The following CLIP3 variants were observed in gnomAD, a reference collection of about 807,000 sequenced individuals.
CLIP3 encodes the protein CAP-Gly domain containing linker protein 3.
A neutral mutation model predicts 59.4 loss-of-function variants in CLIP3; 15 were observed. That is an observed-to-expected ratio of 0.25 (90% CI 0.17 to 0.39). CLIP3 has a LOEUF of 0.39. Among genes scored for constraint, CLIP3 ranks in the 10% least tolerant of loss-of-function variants. The pLI is 1.00. For synonymous variants in CLIP3, 300 were observed against 321.6 expected (o/e 0.93, Z 0.72); for missense variants, 495 against 765.7 (o/e 0.65, Z 4.17).
In CLIP3 at chr19:36,018,887, C is replaced by A; in HGVS notation, c.1183+11G>T. The A allele has an allele frequency of 4.3e-6, 7 of 1,611,942 alleles. No homozygotes were observed. Among genetic ancestry groups the A allele is most frequent in the Non-Finnish European group, 5.9e-6 (7 of 1,179,046 alleles). On this transcript the variant is annotated intron_variant, in intron 9 of 13. Coordinates refer to ENST00000360535, the MANE Select transcript of CLIP3 (RefSeq NM_015526.3). Reference sequence around the variant, plus strand: ...ACTGGCTCTTCCCACCACAGGGATCCCCTCTCTGACCTTTGTGTTCCCTGC... The same window carrying A: ...ACTGGCTCTTCCCACCACAGGGATCACCTCTCTGACCTTTGTGTTCCCTGC...
At position 36,016,259 on chromosome 19, in the gene CLIP3, A is replaced by T. The variant is rs764360290; in HGVS notation, c.1590-47T>A. ...TCACGCCCTTAGGCAGGCAGCGGGGACATCTGCACCCATCACCCCCAGCCT... is the reference window on the plus strand; with the variant it reads ...TCACGCCCTTAGGCAGGCAGCGGGGTCATCTGCACCCATCACCCCCAGCCT... On this transcript the variant is annotated intron_variant, in intron 13 of 13. Transcript: ENST00000360535. The surrounding 1 kb of genome is among the most constrained non-coding windows in gnomAD (Gnocchi z 4.1). 6.2e-7 allele frequency: 1 copy of T among 1,605,110 alleles called. No individual in the cohort carries two copies. Among genetic ancestry groups the T allele is most frequent in the African/African-American group, 1.3e-5 (1 of 74,730 alleles).
At chr19:36,018,059 G>A in intron 9 of CLIP3, 68 bp from the exon 10 acceptor site, 1 of 1,569,968 alleles carries the variant, frequency 6.4e-7, no homozygotes, top group Non-Finnish European at 8.7e-7. Flanking sequence ...CGTGCCACCT[G>A]GAAAACCCCA....
At position 36,026,248 on chromosome 19, in the gene CLIP3, T is replaced by C. The variant is rs916204529; in HGVS notation, c.580A>G (p.Ser194Gly). ...ARPRVVNSTC[S>G]DFNHGSALHI... Reference sequence around the variant, plus strand: ...AGGGCTGAGCCGTGGTTGAAGTCACTGCACGTGGAGTTCACCACTGGAAGT... The same window carrying C: ...AGGGCTGAGCCGTGGTTGAAGTCACCGCACGTGGAGTTCACCACTGGAAGT... Residue 194 changes from serine (S) to glycine (G), a missense_variant, in exon 6 of 14, where the codon AGT becomes GGT. Around this residue, in one of 5 missense-constraint regions of CLIP3, gnomAD observed 194 missense variants for 327.8 expected, o/e 0.59. Transcript: ENST00000360535. This position sits in a 1 kb window ranked among gnomAD's most constrained non-coding sequence, Gnocchi z 6.3. The C allele has an allele frequency of 1.2e-6, 2 of 1,613,182 alleles. No homozygotes were observed. The highest frequency in any genetic ancestry group is 2.7e-5 in the African/African-American group (2 of 75,028).
chr19:36,017,816 C>A, intron 10 of CLIP3, 32 bp downstream of exon 10: 1 of 1,614,150 alleles, frequency 6.2e-7, no homozygotes, highest in Non-Finnish European at 8.5e-7. Context: ...CAAGGCCCTG[C>A]CTGCCTCCCG....
At position 36,016,016 on chromosome 19, in the gene CLIP3, C is replaced by A. The variant is rs1248108882; in HGVS notation, c.*142G>T. 5.1e-6 allele frequency: 4 copies of A among 786,200 alleles called. No individual in the cohort carries two copies. The highest frequency in any genetic ancestry group is 6.5e-6 in the Non-Finnish European group (3 of 458,356). 48.7% of individuals were successfully genotyped at this position (786,200 alleles called of 1,614,324 possible). On this transcript the variant is annotated 3_prime_UTR_variant, in exon 14 of 14. Coordinates refer to ENST00000360535, the MANE Select transcript of CLIP3 (RefSeq NM_015526.3). The surrounding 1 kb of genome is among the most constrained non-coding windows in gnomAD (Gnocchi z 4.1). Reference sequence around the variant, plus strand: ...ATGGGAGTATCTGTTAATAATGGGGCCTCAATGATCGAGGGCTGGCTAACA... The same window carrying A: ...ATGGGAGTATCTGTTAATAATGGGGACTCAATGATCGAGGGCTGGCTAACA...
intron 7 of CLIP3, among the ~76,000 whole-genome samples, chr19:36,023,072 A>C (rs905481922): frequency 5.3e-5 from 8 of 151,950 alleles, no homozygotes; most frequent in Admixed American, 2.0e-4. Context: ...TAATAATAAT[A>C]ATCATAATAA....
At chr19:36,021,521 T>A (rs544605842) in intron 7 of CLIP3, among the ~76,000 whole-genome samples, 24 of 149,928 alleles carry the variant, frequency 1.6e-4, no homozygotes, top group African/African-American at 5.6e-4. Context: ...ACTCCTGGGC[T>A]CAAGCGATCC....
rs901182557 is a variant in CLIP3 at position 36,016,076 on chromosome 19, C to A, written c.*82G>T. ...ACTCTGGATGTGTTACTGGGAATCT[C>A]TATCTCAGGGTGACTCAGGGCTCCT... On this transcript the variant is annotated 3_prime_UTR_variant, in exon 14 of 14. Transcript: ENST00000360535. The surrounding 1 kb of genome is among the most constrained non-coding windows in gnomAD (Gnocchi z 4.1). The A allele has an allele frequency of 7.5e-6, 11 of 1,464,726 alleles. No individual in the cohort carries two copies. In the African/African-American group the frequency reaches 1.5e-4, roughly 20 times the overall value. The allele number at this position is 1,464,726 out of a possible 1,614,324, so 90.7% of individuals were successfully genotyped here.
intron 8 of CLIP3, 53 bp from the exon 9 acceptor site, chr19:36,019,079 C>T: frequency 6.3e-7 from 1 of 1,593,778 alleles, no homozygotes; most frequent in Non-Finnish European, 8.6e-7. Context: ...CCCTCGGCCC[C>T]CATCCTCCAT....
At chr19:36,031,375 A>G (rs1969263014) in intron 2 of CLIP3, among the ~76,000 whole-genome samples, 1 of 152,064 alleles carries the variant, frequency 6.6e-6, no homozygotes. Flanking sequence ...TTTCTGATTT[A>G]TTTATCTGTT....
Position 36,019,205 on chromosome 19 carries a change from C to T in CLIP3, c.1020G>A (p.Gly340=). 1 of 1,614,060 alleles carries T rather than the reference C, an allele frequency of 6.2e-7. No individual in the cohort carries two copies. The highest frequency in any genetic ancestry group is 8.5e-7 in the Non-Finnish European group (1 of 1,180,040). The part of the protein sequence containing the change: ...EPEGKNDGSV[G]GVRYFICPPK... ...GAGGGCAGATGAAGTACCGAACGCCCCCAACGCTGCCATCGTTCTTGCCCT... is the reference window on the plus strand; with the variant it reads ...GAGGGCAGATGAAGTACCGAACGCCTCCAACGCTGCCATCGTTCTTGCCCT... The change falls in exon 8 of 14, where the codon GGG becomes GGA. Residue 340 remains glycine (G), a synonymous_variant. Transcript: ENST00000360535.
chr19:36,024,755 C>T, intron 6 of CLIP3, 123 bp from the exon 7 acceptor site: 2 of 888,664 alleles, frequency 2.3e-6, no homozygotes, highest in Non-Finnish European at 1.7e-6. Context: ...ATATCCTGGG[C>T]CAACCTGGGA....
intron 6 of CLIP3, 31 bp from the exon 7 acceptor site, chr19:36,024,663 C>T: frequency 6.2e-7 from 1 of 1,603,276 alleles, no homozygotes; most frequent in South Asian, 1.1e-5. Context: ...AAGGCAGGGA[C>T]TCAGTGGCAC....
chr19:36,019,598 A>ATTTTTTTTTTTTTTT (rs200645934), intron 7 of CLIP3, among the ~76,000 whole-genome samples: 3 of 99,426 alleles, frequency 3.0e-5, no homozygotes, highest in South Asian at 2.8e-4. Flanking sequence ...TTATTTATTT[A>ATTTTTTTTTTTTTTT]TTTTATTTAT....
In CLIP3 at chr19:36,016,100, C is replaced by T. The variant is rs549954209; in HGVS notation, c.*58G>A. On this transcript the variant is annotated 3_prime_UTR_variant, in exon 14 of 14. Transcript: ENST00000360535. The surrounding 1 kb of genome is among the most constrained non-coding windows in gnomAD (Gnocchi z 4.1). ...TCTATCTCAGGGTGACTCAGGGCTCCTCGGGTGTCAGGAGATGCTAGTGGG... is the reference window on the plus strand; with the variant it reads ...TCTATCTCAGGGTGACTCAGGGCTCTTCGGGTGTCAGGAGATGCTAGTGGG... 8.1e-5 allele frequency: 129 copies of T among 1,592,490 alleles called. No homozygotes were observed. In the African/African-American group the frequency reaches 1.5e-3, roughly 18 times the overall value.
chr19:36,016,058 A>G lies in CLIP3; in HGVS notation c.*100T>C. The G allele has an allele frequency of 2.4e-6, 3 of 1,258,500 alleles. No homozygotes were observed. The highest frequency in any genetic ancestry group is 3.5e-6 in the Non-Finnish European group (3 of 869,310). 78.0% of individuals were successfully genotyped at this position (1,258,500 alleles called of 1,614,324 possible). On this transcript the variant is annotated 3_prime_UTR_variant, in exon 14 of 14. Coordinates refer to ENST00000360535, the MANE Select transcript of CLIP3 (RefSeq NM_015526.3). This position sits in a 1 kb window ranked among gnomAD's most constrained non-coding sequence, Gnocchi z 4.1. Reference sequence around the variant, plus strand: ...TGGCTAACAGGGGTCTCTACTCTGGATGTGTTACTGGGAATCTCTATCTCA... The same window carrying G: ...TGGCTAACAGGGGTCTCTACTCTGGGTGTGTTACTGGGAATCTCTATCTCA...
chr19:36,020,999 G>A (rs1968937279), intron 7 of CLIP3, among the ~76,000 whole-genome samples: 1 of 152,104 alleles, frequency 6.6e-6, no homozygotes, highest in African/African-American at 2.4e-5. Context: ...GACTACAGGT[G>A]AACGCCACCA....
rs1969034082 is a variant in CLIP3, at chr19:36,024,310, ACTCTGCCCG to A, written c.918+77_918+85del. 147 of 1,137,306 alleles carry A rather than the reference ACTCTGCCCG, an allele frequency of 1.3e-4. 3 individuals are homozygous for A. In the South Asian group the frequency reaches 1.7e-3, roughly 13 times the overall value. 70.5% of individuals were successfully genotyped at this position (1,137,306 alleles called of 1,614,324 possible). ...CAAGTAGACAAAGGGCAGGGACTGCACTCTGCCCGAGGACGCAGCTCCAAGGGATTAAGG... is the reference window on the plus strand; with the variant it reads ...CAAGTAGACAAAGGGCAGGGACTGCAAGGACGCAGCTCCAAGGGATTAAGG... On this transcript the variant is annotated intron_variant, in intron 7 of 13. Coordinates refer to ENST00000360535, the MANE Select transcript of CLIP3 (RefSeq NM_015526.3).
chr19:36,017,284 A>G (rs1260033949), intron 12 of CLIP3, 102 bp downstream of exon 12: 31 of 1,174,034 alleles, frequency 2.6e-5, no homozygotes, highest in Admixed American at 1.1e-4. Context: ...TGTGTCCCCA[A>G]TTAAATACCA....
Sources: gnomAD v4.1 joint callset for allele counts (sites outside exome capture counted in the v4.1 genomes callset) on GRCh38, gnomAD v4.1.1 for gene constraint, gnomAD v4.1.1 regional missense constraint, Gnocchi (gnomAD v3.1) non-coding constraint, MANE v1.5 for transcripts, NCBI Gene and HGNC (gene_info 2026-07-23, HGNC 2026-07-21) for gene names.